The following PIH1D2 variants were observed in gnomAD, a reference collection of about 807,000 sequenced individuals.
PIH1D2 encodes PIH1 domain containing 2.
Under a neutral mutation model 31.2 loss-of-function variants are expected in PIH1D2, and 25 were observed. The ratio of observed to expected loss-of-function variants is 0.80; its 90% CI spans 0.58 to 1.12. The LOEUF is 1.12. Ranked by LOEUF, PIH1D2 falls within the 50% of genes most tolerant of loss-of-function variation. PIH1D2 has a pLI of 0.00. For synonymous variants in PIH1D2, 116 were observed against 119.9 expected, an observed-to-expected ratio of 0.97 and a Z score of 0.21; for missense variants, 310 against 356.6, an observed-to-expected ratio of 0.87 and a Z score of 1.05.
At chr11:112,056,941 C>T in the PIH1D2 span, among the ~76,000 whole-genome samples, 1 of 152,056 alleles carries the variant, frequency 6.6e-6, no homozygotes, top group Non-Finnish European at 1.5e-5. Context: ...TTGTGGCAAC[C>T]CTCTGTCAAG....
downstream of PIH1D2, among the ~76,000 whole-genome samples, chr11:112,061,768 A>G (rs1864644208): frequency 6.6e-6 from 1 of 152,100 alleles, no homozygotes; most frequent in Non-Finnish European, 1.5e-5. Context: ...TATTTTTAGT[A>G]GACATGTTGT....
At chr11:112,055,635 C>T in the PIH1D2 span, among the ~76,000 whole-genome samples, 1 of 152,056 alleles carries the variant, frequency 6.6e-6, no homozygotes, top group South Asian at 2.1e-4. Context: ...TTTCAGTTCT[C>T]TCCTTCTAGG....
At chr11:112,061,858 C>T (rs782539895), downstream of PIH1D2, among the ~76,000 whole-genome samples, 2 of 152,174 alleles carry the variant, frequency 1.3e-5, no homozygotes, top group African/African-American at 4.8e-5. Context: ...GCTGGGATTA[C>T]AGGAATGAGC....
At position 112,068,010 on chromosome 11, in the gene PIH1D2, G is replaced by A. The variant is rs1395733395; in HGVS notation, c.814-5C>T. ...TACTTCAATCAATAAATCATCCTAA[G>A]AATAATAAACCAAGAGATTTATTTC... On this transcript the variant is annotated splice_polypyrimidine_tract_variant and splice_region_variant and intron_variant, in intron 5 of 5. Coordinates refer to ENST00000280350, the MANE Select transcript of PIH1D2 (RefSeq NM_138789.4). The A allele has an allele frequency of 7.8e-6, 12 of 1,542,880 alleles. No homozygotes were observed. Among genetic ancestry groups the A allele is most frequent in the South Asian group, 3.5e-5 (3 of 86,082 alleles).
At chr11:112,062,269 G>A, downstream of PIH1D2, 1 of 921,676 alleles carries the variant, frequency 1.1e-6, no homozygotes, top group Admixed American at 2.3e-5. Context: ...TTGAGCTAAA[G>A]GTATAGGAGA....
chr11:112,061,425 C>T (rs183016975), downstream of PIH1D2: 177 of 438,544 alleles, frequency 4.0e-4, no homozygotes, highest in African/African-American at 2.2e-3. Context: ...GTGTAGTGCC[C>T]GGTGTGCAGC....
At chr11:112,064,531 A>C (rs186320461), downstream of PIH1D2, 8 of 251,668 alleles carry the variant, frequency 3.2e-5, no homozygotes, top group East Asian at 6.6e-4. Context: ...GACTACATTT[A>C]GGAGAATATA....
chr11:112,057,933 G>A, the PIH1D2 span, among the ~76,000 whole-genome samples: 1,633 of 152,214 alleles, frequency 0.011, 25 homozygotes, highest in African/African-American at 0.037. Context: ...TGTTAGTCAC[G>A]ATGCTATTGC....
downstream of PIH1D2, among the ~76,000 whole-genome samples, chr11:112,065,648 A>C (rs1245816886): frequency 6.6e-6 from 1 of 150,902 alleles, no homozygotes; most frequent in African/African-American, 2.4e-5. Context: ...TGAGGCAAGG[A>C]AAAAAAAACA....
the PIH1D2 span, among the ~76,000 whole-genome samples, chr11:112,054,815 G>A: frequency 2.0e-5 from 3 of 152,310 alleles, no homozygotes; most frequent in East Asian, 5.8e-4. Context: ...CTATAGAGAA[G>A]AATCCTTCCT....
downstream of PIH1D2, chr11:112,059,852 C>T (rs3882890): frequency 0.4 from 574,078 of 1,451,596 alleles, 116,856 homozygotes; most frequent in African/African-American, 0.61. Flanking sequence ...ACCTGGCACA[C>T]AGGCTCTTAA....
At chr11:112,055,681 T>C in the PIH1D2 span, among the ~76,000 whole-genome samples, 1 of 151,980 alleles carries the variant, frequency 6.6e-6, no homozygotes, top group Non-Finnish European at 1.5e-5. Context: ...TGCTTTTAGA[T>C]GCATTCCTTT....
chr11:112,059,325 A>G (rs1864372546), downstream of PIH1D2, among the ~76,000 whole-genome samples: 1 of 148,978 alleles, frequency 6.7e-6, no homozygotes, highest in South Asian at 2.1e-4. Flanking sequence ...TGCGAAACCA[A>G]CCTACTGCTG....
chr11:112,057,329 C>T, the PIH1D2 span, among the ~76,000 whole-genome samples: 4,493 of 152,214 alleles, frequency 0.03, 86 homozygotes, highest in Non-Finnish European at 0.04. Context: ...AAGACTTTCA[C>T]GTCTCTTACT....
the PIH1D2 span, among the ~76,000 whole-genome samples, chr11:112,055,561 A>G: frequency 3.3e-5 from 5 of 151,798 alleles, no homozygotes; most frequent in African/African-American, 1.2e-4. Flanking sequence ...ATATTCAACT[A>G]TTGCTCCTCT....
At chr11:112,064,818 T>A (rs1170922614), downstream of PIH1D2, among the ~76,000 whole-genome samples, 3 of 151,458 alleles carry the variant, frequency 2.0e-5, no homozygotes, top group Non-Finnish European at 4.4e-5. Flanking sequence ...AAAAATGAAG[T>A]CTGTAGAAAA....
downstream of PIH1D2, among the ~76,000 whole-genome samples, chr11:112,058,275 AAAGCAGT>A (rs1864237093): frequency 6.6e-6 from 1 of 152,234 alleles, no homozygotes; most frequent in Admixed American, 6.5e-5. Context: ...TTTATTCAAG[AAAGCAGT>A]ATTTGCTGTG....
At chr11:112,068,206 A>G (rs1864997957) in intron 5 of PIH1D2, among the ~76,000 whole-genome samples, 1 of 152,194 alleles carries the variant, frequency 6.6e-6, no homozygotes, top group African/African-American at 2.4e-5. Flanking sequence ...TAACTGATAC[A>G]GTACCACAGT....
chr11:112,062,619 T>C, downstream of PIH1D2: 1 of 1,467,216 alleles, frequency 6.8e-7, no homozygotes, highest in South Asian at 1.2e-5. Context: ...CAGGTGGTTC[T>C]TTTTATTTTA....
Sources: allele counts gnomAD v4.1 joint callset (sites outside exome capture counted in the v4.1 genomes callset), GRCh38; gene constraint gnomAD v4.1.1; transcripts MANE v1.5; gene names NCBI Gene and HGNC (gene_info 2026-07-23, HGNC 2026-07-21).